Variants in INTS10 observed in about 807,000 individuals in gnomAD.
INTS10 encodes the protein integrator complex subunit 10.
A neutral mutation model predicts 94.4 loss-of-function variants in INTS10; 44 were observed. The ratio of observed to expected loss-of-function variants is 0.47; its 90% CI spans 0.37 to 0.60. The LOEUF is 0.60. Among genes scored for constraint, INTS10 ranks in the 20% least tolerant of loss-of-function variants. The pLI is 0.00. For missense variants in INTS10, 797 were observed against 868.7 expected (o/e 0.92, Z 1.04); for synonymous variants, 341 against 320.7 (o/e 1.06, Z -0.68).
rs745449238 is a variant in INTS10, at chr8:19,824,942, G to A, written c.976G>A (p.Val326Ile). The part of the protein sequence containing the change: ...LVFFKNAFQY[V>I]NSIQPSLFQG... ...CTTCTTTAAGAATGCATTCCAGTAT[G>A]TCAACAGCATACAGCCATCTCTCTT... The change falls in exon 8 of 17, where the codon GTC becomes ATC. Residue 326 changes from valine to isoleucine, a missense_variant. Val to Ile is a conservative substitution (Grantham distance 29). Transcript: ENST00000397977. 1 of 1,613,860 alleles carries A rather than the reference G, an allele frequency of 6.2e-7. No individual in the cohort carries two copies. The highest frequency in any genetic ancestry group is 1.3e-5 in the African/African-American group (1 of 74,932).
At chr8:19,848,206 C>T (rs1238122358) in intron 16 of INTS10, among the ~76,000 whole-genome samples, 1 of 152,194 alleles carries the variant, frequency 6.6e-6, no homozygotes, top group Non-Finnish European at 1.5e-5. Context: ...GAAGCCATTA[C>T]AGACCTTTTG....
In INTS10 at chr8:19,843,086, A is replaced by T. The variant is rs2068269742; in HGVS notation, c.1719+159A>T. ...ACATGGGCTACTAATTAACAAATCTATATTAAATAATGACTGCGCTAGGCA... is the reference window on the plus strand; with the variant it reads ...ACATGGGCTACTAATTAACAAATCTTTATTAAATAATGACTGCGCTAGGCA... On this transcript the variant is annotated intron_variant, in intron 14 of 16. Coordinates refer to ENST00000397977, the MANE Select transcript of INTS10 (RefSeq NM_018142.4). This position sits in a 1 kb window ranked among gnomAD's most constrained non-coding sequence, Gnocchi z 4.7. 6.6e-6 allele frequency among the ~76,000 whole-genome samples: 1 copy of T among 152,254 alleles called. No homozygotes were observed. The highest frequency in any genetic ancestry group is 6.5e-5 in the Admixed American group (1 of 15,286).
Position 19,846,057 on chromosome 8 carries a change from A to G in INTS10, c.1976+260A>G, listed in dbSNP as rs2068554751. The stretch of plus-strand genomic sequence containing the variant: ...ACTAGACAAAAGTCTCATTCATGAT[A>G]TCTTTTACTTTCAAAAATTTATAGG... On this transcript the variant is annotated intron_variant, in intron 16 of 16. Coordinates refer to ENST00000397977, the MANE Select transcript of INTS10 (RefSeq NM_018142.4). The surrounding 1 kb of genome is among the most constrained non-coding windows in gnomAD (Gnocchi z 4.2). 1 of 387,728 alleles carries G rather than the reference A, an allele frequency of 2.6e-6. No homozygotes were observed. The highest frequency in any genetic ancestry group is 2.0e-5 in the African/African-American group (1 of 49,662). The allele number at this position is 387,728 out of a possible 1,614,324, so 24.0% of individuals were successfully genotyped here. A position where few individuals can be genotyped will look rare whatever the true frequency, so the allele number is the denominator to read the frequency against.
intron 5 of INTS10, 84 bp from the exon 6 acceptor site, chr8:19,823,217 A>G (rs1209179990): frequency 1.9e-6 from 2 of 1,051,670 alleles, no homozygotes; most frequent in Non-Finnish European, 2.8e-6. Context: ...ACTACATCAA[A>G]TGAACTCTGA....
intron 16 of INTS10, among the ~76,000 whole-genome samples, chr8:19,847,978 T>C (rs982550054): frequency 1.3e-5 from 2 of 152,186 alleles, no homozygotes; most frequent in Admixed American, 1.3e-4. Context: ...TTTCATCAGT[T>C]TGGAAGCAGG....
rs941313157 is a variant in INTS10, at chr8:19,817,468, C to G, written c.-70C>G. On this transcript the variant is annotated 5_prime_UTR_variant, in exon 1 of 17. Coordinates refer to ENST00000397977, the MANE Select transcript of INTS10 (RefSeq NM_018142.4). Reference sequence around the variant, plus strand: ...TGGCGGCGGCGGCGGCGGTGGCTGCCGTGGCGGCTGAGAGTCCAGAGCCGG... The same window carrying G: ...TGGCGGCGGCGGCGGCGGTGGCTGCGGTGGCGGCTGAGAGTCCAGAGCCGG... 2.6e-6 allele frequency: 4 copies of G among 1,537,674 alleles called. No homozygotes were observed. Among genetic ancestry groups the G allele is most frequent in the Non-Finnish European group, 3.5e-6 (4 of 1,142,886 alleles).
At position 19,830,450 on chromosome 8, in the gene INTS10, C is replaced by A; in HGVS notation, c.1185C>A (p.His395Gln). 6.2e-7 allele frequency: 1 copy of A among 1,613,980 alleles called. No individual in the cohort carries two copies. The highest frequency in any genetic ancestry group is 8.5e-7 in the Non-Finnish European group (1 of 1,179,896). The change falls in exon 10 of 17, where the codon CAC (histidine) becomes CAA (glutamine). Residue 395 changes from histidine (H) to glutamine (Q), a missense_variant. This residue lies in a region of INTS10 where 734 missense variants were observed against 787.8 expected (regional missense o/e 0.93). Coordinates refer to ENST00000397977, the MANE Select transcript of INTS10 (RefSeq NM_018142.4). Reference sequence around the variant, plus strand: ...GTTCGGCGAAAGGAAGAAATCGTCACATTGTAGTCAATAAAGCCGAACTTG... The same window carrying A: ...GTTCGGCGAAAGGAAGAAATCGTCAAATTGTAGTCAATAAAGCCGAACTTG... ...EDCSAKGRNRHIVVNKAELAN... is the reference protein window; with the variant it reads ...EDCSAKGRNRQIVVNKAELAN...
chr8:19,837,116 A>T lies in INTS10; in HGVS notation c.1595A>T (p.Lys532Ile). ...YMVLPIQDGG[K>I]SQEEPSKVKP... ...GTACTCCCCATTCAAGATGGAGGCA[A>T]ATCCCAGGAGGAACCCTCGAAAGTA... The change falls in exon 13 of 17, where the codon AAA (lysine) becomes ATA (isoleucine). Residue 532 changes from lysine to isoleucine, a missense_variant. Physicochemically the swap from Lys to Ile is moderately radical, Grantham distance 102. Transcript: ENST00000397977. 1 of 1,613,786 alleles carries T rather than the reference A, an allele frequency of 6.2e-7. No homozygotes were observed. The highest frequency in any genetic ancestry group is 2.2e-5 in the East Asian group (1 of 44,876).
intron 16 of INTS10, among the ~76,000 whole-genome samples, chr8:19,847,716 A>G (rs1403269855): frequency 1.3e-5 from 2 of 152,178 alleles, no homozygotes; most frequent in Non-Finnish European, 2.9e-5. Flanking sequence ...TTCTTCTTCT[A>G]CCAGTTTTTA....
chr8:19,819,742 C>T (rs80209521), intron 3 of INTS10, 66 bp downstream of exon 3: 75,564 of 1,224,754 alleles, frequency 0.062, 2,841 homozygotes, highest in Non-Finnish European at 0.074. Context: ...ATTTCACACA[C>T]AAAAAAGTCA....
intron 9 of INTS10, among the ~76,000 whole-genome samples, chr8:19,829,681 G>A (rs1048080249): frequency 1.3e-5 from 2 of 152,078 alleles, no homozygotes; most frequent in African/African-American, 4.8e-5. Context: ...TAATTTTGTT[G>A]TTGTTGAGAC....
chr8:19,841,844 A>G (rs1401479005), intron 13 of INTS10: 3 of 455,938 alleles, frequency 6.6e-6, no homozygotes, highest in East Asian at 6.9e-5. Flanking sequence ...AGTTTCAACC[A>G]GAAATTTTCT....
chr8:19,825,958 A>G (rs956927803), intron 8 of INTS10, among the ~76,000 whole-genome samples: 9 of 152,160 alleles, frequency 5.9e-5, no homozygotes, highest in Non-Finnish European at 8.8e-5. Context: ...TTCTATGTGC[A>G]TATACTTGTT....
intron 10 of INTS10, among the ~76,000 whole-genome samples, chr8:19,831,162 A>T (rs2128776072): frequency 2.0e-5 from 3 of 152,224 alleles, no homozygotes; most frequent in Admixed American, 2.0e-4. Flanking sequence ...TAGCCCGTGG[A>T]CATTCATCCC....
Position 19,846,766 on chromosome 8 carries a change from C to A in INTS10, c.1976+969C>A, listed in dbSNP as rs2068620158. On this transcript the variant is annotated intron_variant, in intron 16 of 16. Transcript: ENST00000397977. The surrounding 1 kb of genome is among the most constrained non-coding windows in gnomAD (Gnocchi z 4.2). ...TTTAAATAGCTCATAAATCTTGCTTCTCTCCTTCAATCCTCATTGTAGTTT... is the reference window on the plus strand; with the variant it reads ...TTTAAATAGCTCATAAATCTTGCTTATCTCCTTCAATCCTCATTGTAGTTT... 6.6e-6 allele frequency among the ~76,000 whole-genome samples: 1 copy of A among 152,124 alleles called. No homozygotes were observed. The highest frequency in any genetic ancestry group is 2.1e-4 in the South Asian group (1 of 4,832).
At chr8:19,824,209 T>C (rs2066614889) in intron 7 of INTS10, 165 bp downstream of exon 7, 1 of 546,920 alleles carries the variant, frequency 1.8e-6, no homozygotes, top group Non-Finnish European at 3.2e-6. Context: ...AAAACATTTC[T>C]GACTGGGCAC....
chr8:19,831,208 C>T (rs1326579769), intron 10 of INTS10, among the ~76,000 whole-genome samples: 1 of 152,172 alleles, frequency 6.6e-6, no homozygotes, highest in Non-Finnish European at 1.5e-5. Flanking sequence ...AGCCCTTGGC[C>T]AGATGTGCTG....
rs750954994 is a variant in INTS10 at position 19,851,712 on chromosome 8, G to A, written c.2040G>A (p.Glu680=). ...AGGAGGACTTTCGCCTGGCCATGGA[G>A]CGCCAGGTCTCCCGCTGTGGAGAGA... ...GVKEDFRLAM[E]RQVSRCGENL... Residue 680 remains glutamate, a synonymous_variant, in exon 17 of 17, where the codon GAG becomes GAA. Coordinates refer to ENST00000397977, the MANE Select transcript of INTS10 (RefSeq NM_018142.4). The surrounding 1 kb of genome is among the most constrained non-coding windows in gnomAD (Gnocchi z 5.0). 1.2e-6 allele frequency: 2 copies of A among 1,613,986 alleles called. No homozygotes were observed. Among genetic ancestry groups the A allele is most frequent in the African/African-American group, 1.3e-5 (1 of 75,052 alleles).
chr8:19,844,069 C>G lies in INTS10; in HGVS notation c.1720-7C>G. 1 of 1,580,358 alleles carries G rather than the reference C, an allele frequency of 6.3e-7. No homozygotes were observed. Among genetic ancestry groups the G allele is most frequent in the Non-Finnish European group, 8.6e-7 (1 of 1,163,704 alleles). ...CCTTCTGTCTTGTATAAATCTTTGT[C>G]TTGCAGCTTAGAGCTTTCACAGACA... On this transcript the variant is annotated splice_polypyrimidine_tract_variant and splice_region_variant and intron_variant, in intron 14 of 16. Transcript: ENST00000397977.
Sources: allele counts gnomAD v4.1 joint callset (sites outside exome capture counted in the v4.1 genomes callset), GRCh38; gene constraint gnomAD v4.1.1; regional missense constraint gnomAD v4.1.1; non-coding constraint Gnocchi (gnomAD v3.1); transcripts MANE v1.5; gene names NCBI Gene and HGNC (gene_info 2026-07-23, HGNC 2026-07-21).